SEMA3D: variants seen among roughly 807,000 people sequenced by gnomAD.
The protein encoded by SEMA3D is semaphorin-3D.
A neutral mutation model predicts 100.1 loss-of-function variants in SEMA3D; 84 were observed. That is an observed-to-expected ratio of 0.84 (90% confidence interval 0.70 to 1.01). The LOEUF (loss-of-function observed/expected upper bound fraction) is 1.01. Ranked by LOEUF, SEMA3D falls within the 50% of genes least tolerant of loss-of-function variation. SEMA3D has a pLI of 0.00. For missense variants in SEMA3D, 875 were observed against 934.1 expected (o/e 0.94, Z 0.82); for synonymous variants, 312 against 320.7 (o/e 0.97, Z 0.29).
At chr7:85,217,933 T>C in the SEMA3D span, among the ~76,000 whole-genome samples, 1 of 152,142 alleles carries the variant, frequency 6.6e-6, no homozygotes, top group African/African-American at 2.4e-5. Context: ...TCATTTTCAA[T>C]TATCAATTGC....
chr7:85,238,394 T>C, the SEMA3D span, among the ~76,000 whole-genome samples: 1 of 152,198 alleles, frequency 6.6e-6, no homozygotes, highest in Admixed American at 6.6e-5. Flanking sequence ...GGGTGTAAAA[T>C]CTGCAGGTAA....
At chr7:85,194,781 T>C in the SEMA3D span, among the ~76,000 whole-genome samples, 30 of 152,180 alleles carry the variant, frequency 2.0e-4, no homozygotes, top group Admixed American at 6.5e-5. Context: ...CAAGGTATCA[T>C]CAGGGTTAGT....
chr7:85,203,029 A>G, the SEMA3D span, among the ~76,000 whole-genome samples: 1 of 152,222 alleles, frequency 6.6e-6, no homozygotes, highest in Admixed American at 6.5e-5. Context: ...AAAATGAGGT[A>G]GGACAGAATT....
At chr7:85,031,300 A>G (rs1460118681) in intron 12 of SEMA3D, among the ~76,000 whole-genome samples, 1 of 152,038 alleles carries the variant, frequency 6.6e-6, no homozygotes, top group Non-Finnish European at 1.5e-5. Context: ...AAATGTAAAA[A>G]CAATTTTTTA....
Position 85,121,913 on chromosome 7 carries a change from C to G in SEMA3D, c.-22G>C. On this transcript the variant is annotated 5_prime_UTR_variant, in exon 3 of 19. Coordinates refer to ENST00000284136, the MANE Select transcript of SEMA3D (RefSeq NM_001384900.1). ...TCATGATGAAAACAATGTTCTCTTT[C>G]AAATGGTGTTAATTTAATCTAAAAA... The G allele has an allele frequency of 6.8e-7, 1 of 1,464,440 alleles. No individual in the cohort carries two copies. The highest frequency in any genetic ancestry group is 9.3e-7 in the Non-Finnish European group (1 of 1,077,944). The allele number at this position is 1,464,440 out of a possible 1,614,324, so 90.7% of individuals were successfully genotyped here.
At chr7:85,017,067 C>G (rs1790124864) in intron 15 of SEMA3D, among the ~76,000 whole-genome samples, 2 of 151,780 alleles carry the variant, frequency 1.3e-5, no homozygotes, top group South Asian at 4.1e-4. Flanking sequence ...GATCCATACT[C>G]TAATTGTACA....
chr7:85,029,141 T>C, intron 12 of SEMA3D: 1 of 630,180 alleles, frequency 1.6e-6, no homozygotes, highest in Non-Finnish European at 3.0e-6. Context: ...AGCATGTCAT[T>C]GCCAAGGATA....
chr7:85,072,861 G>T, intron 6 of SEMA3D, 101 bp downstream of exon 6: 1 of 956,334 alleles, frequency 1.0e-6, no homozygotes, highest in East Asian at 2.7e-5. Context: ...GGCCATATAT[G>T]TTTCAGTCCT....
At chr7:85,141,298 T>A in intron 2 of SEMA3D, 1 of 984,446 alleles carries the variant, frequency 1.0e-6, no homozygotes, top group Non-Finnish European at 1.2e-6. Context: ...TCTTCAGGAA[T>A]TTTAACATTG....
At chr7:85,234,009 T>A in the SEMA3D span, among the ~76,000 whole-genome samples, 1 of 152,182 alleles carries the variant, frequency 6.6e-6, no homozygotes, top group Non-Finnish European at 1.5e-5. Flanking sequence ...TTATCAATGT[T>A]TAGTTTCCTT....
chr7:85,168,871 AAG>A (rs1352257713), intron 1 of SEMA3D, among the ~76,000 whole-genome samples: 2 of 132,110 alleles, frequency 1.5e-5, no homozygotes, highest in Non-Finnish European at 3.3e-5. Flanking sequence ...GAAAGAAAGA[AAG>A]AAAGAAAAGA....
chr7:84,997,873 A>C lies in SEMA3D; in HGVS notation c.*1567T>G, dbSNP rs1371364352. ...AGGCTAAGGGTTCTGTGTTACAAGA[A>C]GGAAAGGTGAGTTCTGCTTAAACAG... On this transcript the variant is annotated 3_prime_UTR_variant, in exon 19 of 19. Coordinates refer to ENST00000284136, the MANE Select transcript of SEMA3D (RefSeq NM_001384900.1). 1 of 152,288 alleles carries C rather than the reference A, an allele frequency of 6.6e-6. No homozygotes were observed. The highest frequency in any genetic ancestry group is 1.5e-5 in the Non-Finnish European group (1 of 67,984). The allele number at this position is 152,288 out of a possible 1,614,324, so 9.4% of individuals were successfully genotyped here.
At chr7:85,165,530 T>C (rs1790882121) in intron 1 of SEMA3D, among the ~76,000 whole-genome samples, 1 of 152,088 alleles carries the variant, frequency 6.6e-6, no homozygotes, top group Non-Finnish European at 1.5e-5. Flanking sequence ...CCATCACTTG[T>C]AGTAGGGAGT....
chr7:85,236,263 GTATTTTATTTTATTT>G, the SEMA3D span, among the ~76,000 whole-genome samples: 1 of 142,146 alleles, frequency 7.0e-6, no homozygotes, highest in Non-Finnish European at 1.5e-5. Flanking sequence ...AGATGATTTA[GTATTTTATTTTATTT>G]TATTTTATTT....
intron 1 of SEMA3D, among the ~76,000 whole-genome samples, chr7:85,184,798 T>A (rs988535703): frequency 1.1e-4 from 16 of 152,142 alleles, no homozygotes; most frequent in African/African-American, 3.4e-4. Flanking sequence ...TCATTGCCCA[T>A]CTCCCTGACC....
intron 2 of SEMA3D, chr7:85,142,185 A>G: frequency 5.1e-6 from 5 of 984,426 alleles, no homozygotes; most frequent in Non-Finnish European, 6.0e-6. Flanking sequence ...TCTCTTACCA[A>G]TTTCTAAATT....
the SEMA3D span, among the ~76,000 whole-genome samples, chr7:85,196,536 C>G: frequency 6.6e-6 from 1 of 151,840 alleles, no homozygotes; most frequent in African/African-American, 2.4e-5. Flanking sequence ...ACAGAGTGAG[C>G]GAAGTTATTG....
intron 13 of SEMA3D, among the ~76,000 whole-genome samples, chr7:85,021,901 C>A (rs551672518): frequency 9.2e-5 from 14 of 151,716 alleles, no homozygotes; most frequent in African/African-American, 3.4e-4. Flanking sequence ...CTAGGAAATA[C>A]ATTTTAATGC....
intron 5 of SEMA3D, among the ~76,000 whole-genome samples, chr7:85,076,345 T>C (rs2116209126): frequency 6.6e-6 from 1 of 152,296 alleles, no homozygotes; most frequent in African/African-American, 2.4e-5. Flanking sequence ...TTTCAATATT[T>C]CATCTCTCAT....
Sources: allele counts gnomAD v4.1 joint callset (sites outside exome capture counted in the v4.1 genomes callset), GRCh38; gene constraint gnomAD v4.1.1; transcripts MANE v1.5; gene names NCBI Gene and HGNC (gene_info 2026-07-23, HGNC 2026-07-21).